The following HAVCR1 variants were observed in gnomAD, a reference collection of about 807,000 sequenced individuals.
The protein encoded by HAVCR1 is hepatitis A virus cellular receptor 1.
HAVCR1 carries 34 observed loss-of-function variants against 32.0 expected under a neutral mutation model. The observed-to-expected ratio is 1.06, with a 90% CI of 0.81 to 1.42. The LOEUF (loss-of-function observed/expected upper bound fraction) is 1.42. Ranked by LOEUF, HAVCR1 falls within the 40% of genes most tolerant of loss-of-function variation. HAVCR1 has a pLI of 0.00. For synonymous variants in HAVCR1, 178 were observed against 170.3 expected (o/e 1.05, Z -0.35); for missense variants, 420 against 442.3 (o/e 0.95, Z 0.45).
intron 7 of HAVCR1, 93 bp from the exon 8 acceptor site, chr5:157,032,980 C>T: frequency 1.3e-6 from 1 of 788,280 alleles, no homozygotes; most frequent in East Asian, 2.6e-5. Context: ...TGTATTATTT[C>T]TGTTATTACT....
chr5:157,053,725 C>A lies in HAVCR1; in HGVS notation c.380-1071G>T, dbSNP rs538398134. On this transcript the variant is annotated intron_variant, in intron 3 of 8. Transcript: ENST00000523175. ...TCTTTACTAAAAATACAAAAATTAG[C>A]CAGGCATGGTGGTGCGCACCTGTAG... is the stretch of plus-strand genomic sequence containing the variant. 1.8e-4 allele frequency among the ~76,000 whole-genome samples: 27 copies of A among 152,012 alleles called. 1 individual carries two copies. The South Asian group carries it at 4.4e-3, about 25-fold the overall frequency.
At chr5:157,054,190 C>CAAAAAAAAAA (rs900551230) in intron 3 of HAVCR1, among the ~76,000 whole-genome samples, 1 of 42,208 alleles carries the variant, frequency 2.4e-5, no homozygotes, top group Non-Finnish European at 4.8e-5. Flanking sequence ...GACTCCATCT[C>CAAAAAAAAAA]AAAAAAAAAA....
chr5:157,038,970 C>T (rs1561584206), intron 6 of HAVCR1, among the ~76,000 whole-genome samples: 1 of 152,066 alleles, frequency 6.6e-6, no homozygotes, highest in Admixed American at 6.6e-5. Context: ...AAAAATAAAA[C>T]TGGCCAGGCG....
intron 5 of HAVCR1, among the ~76,000 whole-genome samples, chr5:157,047,180 G>A (rs1755450358): frequency 6.6e-6 from 1 of 152,014 alleles, no homozygotes; most frequent in South Asian, 2.1e-4. Context: ...TCTGATTGTG[G>A]GTCATAAGAC....
intron 5 of HAVCR1, among the ~76,000 whole-genome samples, chr5:157,047,591 C>T (rs1581708514): frequency 6.6e-6 from 1 of 152,070 alleles, no homozygotes; most frequent in East Asian, 1.9e-4. Flanking sequence ...GTTTTGAGAG[C>T]TTCCAGATAG....
chr5:157,029,896 C>T, intron 8 of HAVCR1, 55 bp from the exon 9 acceptor site: 1 of 1,477,850 alleles, frequency 6.8e-7, no homozygotes, highest in East Asian at 2.3e-5. Context: ...CAGACCACTT[C>T]TCACATATAA....
intron 6 of HAVCR1, among the ~76,000 whole-genome samples, chr5:157,038,730 TG>T (rs1156581139): frequency 6.6e-6 from 1 of 152,116 alleles, no homozygotes; most frequent in Non-Finnish European, 1.5e-5. Context: ...AGATGGAGAA[TG>T]GGGTTTCAGG....
Position 157,032,849 on chromosome 5 carries a change from C to T in HAVCR1, c.986+5G>A. On this transcript the variant is annotated splice_donor_5th_base_variant and intron_variant, in intron 8 of 8. Transcript: ENST00000523175. ...AAGTATTGATAGAAATATTTTCGAG[C>T]TTACCTTAGTTGTTGAACCTCCTTT... 2.6e-6 allele frequency: 4 copies of T among 1,531,714 alleles called. No individual in the cohort carries two copies. Among genetic ancestry groups the T allele is most frequent in the Non-Finnish European group, 3.6e-6 (4 of 1,109,370 alleles). 94.9% of individuals were successfully genotyped at this position (1,531,714 alleles called of 1,614,324 possible).
chr5:157,050,261 T>C (rs1189293370), intron 4 of HAVCR1, among the ~76,000 whole-genome samples: 1 of 152,224 alleles, frequency 6.6e-6, no homozygotes, highest in East Asian at 1.9e-4. Context: ...GAGAGTCACG[T>C]GGGCAGTCTG....
At chr5:157,055,999 T>C (rs564198342) in intron 2 of HAVCR1, among the ~76,000 whole-genome samples, 1 of 152,298 alleles carries the variant, frequency 6.6e-6, no homozygotes, top group South Asian at 2.1e-4. Flanking sequence ...CAGGCTGTAG[T>C]GCAGTGGCGC....
chr5:157,055,406 T>C lies in HAVCR1; in HGVS notation c.174A>G (p.Gln58=), dbSNP rs1756064631. The C allele has an allele frequency of 1.2e-6, 2 of 1,612,950 alleles. No individual in the cohort carries two copies. The highest frequency in any genetic ancestry group is 4.5e-5 in the East Asian group (2 of 44,876). The change falls in exon 3 of 9, where the codon CAA becomes CAG. Residue 58 remains glutamine, a synonymous_variant. Transcript: ENST00000523175. ...TTCCATTGGTCCAGACAATGCCATTTTGGCATGTGAATAGAGAACATGAGC... is the reference window on the plus strand; with the variant it reads ...TTCCATTGGTCCAGACAATGCCATTCTGGCATGTGAATAGAGAACATGAGC... The part of the protein sequence containing the change: ...NRGSCSLFTC[Q]NGIVWTNGTH...
intron 8 of HAVCR1, among the ~76,000 whole-genome samples, chr5:157,030,491 ATT>A (rs964263376): frequency 6.6e-6 from 1 of 150,482 alleles, no homozygotes; most frequent in African/African-American, 2.4e-5. Context: ...GTCTCTACAG[ATT>A]TTTTTTTTAA....
At chr5:157,040,278 A>G (rs1398638257) in intron 6 of HAVCR1, among the ~76,000 whole-genome samples, 1 of 151,308 alleles carries the variant, frequency 6.6e-6, no homozygotes, top group Non-Finnish European at 1.5e-5. Flanking sequence ...AGCCTGGGTA[A>G]CAAGAGTGAA....
chr5:157,032,466 C>T (rs1217202800), intron 8 of HAVCR1, among the ~76,000 whole-genome samples: 7 of 152,088 alleles, frequency 4.6e-5, no homozygotes, highest in African/African-American at 9.7e-5. Context: ...TGTGGTGAGC[C>T]GAGAAGGTGC....
intron 7 of HAVCR1, 120 bp from the exon 8 acceptor site, chr5:157,033,007 A>G (rs1754265919): frequency 1.6e-6 from 1 of 637,982 alleles, no homozygotes; most frequent in Admixed American, 3.3e-5. Flanking sequence ...TTTCCCTGGT[A>G]CCTTGAGGTG....
At chr5:157,035,710 A>G (rs1754484760) in intron 7 of HAVCR1, among the ~76,000 whole-genome samples, 1 of 152,146 alleles carries the variant, frequency 6.6e-6, no homozygotes, top group South Asian at 2.1e-4. Context: ...ACACTACCCA[A>G]CAAACTCCTA....
upstream of HAVCR1, among the ~76,000 whole-genome samples, chr5:157,060,409 T>A (rs564172206): frequency 4.5e-4 from 69 of 152,228 alleles, no homozygotes; most frequent in African/African-American, 1.6e-3. Flanking sequence ...GTGTTCTCCA[T>A]CTAGCTCCCC....
intron 2 of HAVCR1, among the ~76,000 whole-genome samples, chr5:157,055,950 A>G (rs1344746762): frequency 6.6e-6 from 1 of 150,636 alleles, no homozygotes; most frequent in Non-Finnish European, 1.5e-5. Context: ...TTAATTGTTT[A>G]TTTTTTATTT....
At chr5:157,058,175 T>C (rs67960962) in intron 1 of HAVCR1, 256,051 of 486,766 alleles carry the variant, frequency 0.53, 69,978 homozygotes, top group East Asian at 0.68. Flanking sequence ...GGGAAAGCTG[T>C]CCACAGAAAC....
Sources: allele counts gnomAD v4.1 joint callset (sites outside exome capture counted in the v4.1 genomes callset), GRCh38; gene constraint gnomAD v4.1.1; transcripts MANE v1.5; gene names NCBI Gene and HGNC (gene_info 2026-07-23, HGNC 2026-07-21).